The following TPD52L1 variants were observed in gnomAD, a reference collection of about 807,000 sequenced individuals.
TPD52L1 encodes the protein TPD52 like 1.
TPD52L1 carries 18 observed loss-of-function variants against 28.7 expected under a neutral mutation model. The ratio of observed to expected loss-of-function variants is 0.63; its 90% confidence interval spans 0.43 to 0.93. TPD52L1 has a LOEUF of 0.93. Ranked by LOEUF, TPD52L1 falls within the 40% of genes least tolerant of loss-of-function variation. TPD52L1 has a pLI of 0.00. For missense variants in TPD52L1, 203 were observed against 254.8 expected, an observed-to-expected ratio of 0.80 and a Z score of 1.39; for synonymous variants, 75 against 88.8, an observed-to-expected ratio of 0.84 and a Z score of 0.88.
chr6:125,221,504 A>G (rs1218250657), intron 2 of TPD52L1, among the ~76,000 whole-genome samples: 3 of 152,202 alleles, frequency 2.0e-5, no homozygotes, highest in South Asian at 2.1e-4. Flanking sequence ...TTTAGGCACA[A>G]TGTCTGTAAC....
chr6:125,244,174 T>C (rs990333676), intron 3 of TPD52L1, among the ~76,000 whole-genome samples: 9 of 152,138 alleles, frequency 5.9e-5, no homozygotes, highest in Non-Finnish European at 1.0e-4. Context: ...TCTTATGGAG[T>C]TGGAATGGCA....
At chr6:125,176,450 T>C (rs1377265104) in intron 1 of TPD52L1, among the ~76,000 whole-genome samples, 2 of 152,192 alleles carry the variant, frequency 1.3e-5, no homozygotes, top group African/African-American at 2.4e-5. Flanking sequence ...GGCCTTTCAA[T>C]GGAGAGTATT....
chr6:125,247,758 T>A (rs1262731933), intron 3 of TPD52L1, among the ~76,000 whole-genome samples: 1 of 152,212 alleles, frequency 6.6e-6, no homozygotes, highest in Non-Finnish European at 1.5e-5. Context: ...CACTATATTA[T>A]CTTCAGATAA....
intron 4 of TPD52L1, among the ~76,000 whole-genome samples, chr6:125,248,985 T>G (rs1797089343): frequency 6.6e-6 from 1 of 152,072 alleles, no homozygotes; most frequent in Admixed American, 6.6e-5. Context: ...ACCTTGCACA[T>G]TTTCATTATT....
intron 5 of TPD52L1, among the ~76,000 whole-genome samples, chr6:125,256,742 A>G (rs1047538446): frequency 6.6e-6 from 1 of 152,262 alleles, no homozygotes; most frequent in Non-Finnish European, 1.5e-5. Context: ...GAGTGTTGTG[A>G]TAGAAACAAT....
intron 1 of TPD52L1, among the ~76,000 whole-genome samples, chr6:125,158,303 C>T (rs1790273813): frequency 6.6e-6 from 1 of 152,078 alleles, no homozygotes; most frequent in Non-Finnish European, 1.5e-5. Context: ...TGAAATAAAG[C>T]AATAAATATC....
chr6:125,196,212 G>A (rs1250050480), intron 1 of TPD52L1, among the ~76,000 whole-genome samples: 9 of 152,138 alleles, frequency 5.9e-5, no homozygotes, highest in Admixed American at 5.2e-4. Flanking sequence ...TAAGCTTTCT[G>A]TAGCTTCCAA....
intron 6 of TPD52L1, among the ~76,000 whole-genome samples, chr6:125,259,324 T>C (rs1317955532): frequency 6.6e-6 from 1 of 152,242 alleles, no homozygotes; most frequent in East Asian, 1.9e-4. Context: ...TCCTGCCATC[T>C]TCTCACACAA....
At chr6:125,217,676 T>C (rs756630223) in intron 1 of TPD52L1, among the ~76,000 whole-genome samples, 6 of 152,038 alleles carry the variant, frequency 3.9e-5, no homozygotes, top group South Asian at 2.1e-4. Context: ...GGCGCGGGAG[T>C]TGGGGACCTC....
intron 2 of TPD52L1, among the ~76,000 whole-genome samples, chr6:125,221,439 C>T (rs1795223034): frequency 6.6e-6 from 1 of 152,148 alleles, no homozygotes; most frequent in Admixed American, 6.5e-5. Context: ...GTGGGGTAAG[C>T]CAACTGAGTC....
intron 1 of TPD52L1, among the ~76,000 whole-genome samples, chr6:125,172,100 CT>C (rs1491445867): frequency 3.8e-5 from 2 of 52,486 alleles, no homozygotes; most frequent in Admixed American, 4.5e-4. Flanking sequence ...CTTTCTTTCC[CT>C]TTCTTTCTTT....
rs1393943369 is a variant in TPD52L1 at position 125,173,858 on chromosome 6, T to C, written c.19+19888T>C. 3.3e-5 allele frequency among the ~76,000 whole-genome samples: 5 copies of C among 152,286 alleles called. No individual in the cohort carries two copies. The East Asian group carries it at 9.7e-4, about 29-fold the overall frequency. On this transcript the variant is annotated intron_variant, in intron 1 of 6. Transcript: ENST00000534000. ...ATACTCACATAAGTAATTTCTCCAA[T>C]CTGAGATGACTGTGGTCATACAGAA... is the stretch of plus-strand genomic sequence containing the variant.
intron 3 of TPD52L1, among the ~76,000 whole-genome samples, chr6:125,242,723 G>T (rs780666832): frequency 1.3e-5 from 2 of 152,096 alleles, no homozygotes; most frequent in Non-Finnish European, 2.9e-5. Flanking sequence ...CAGATACTTG[G>T]TTGGTGGTTT....
intron 5 of TPD52L1, among the ~76,000 whole-genome samples, chr6:125,255,487 AATGTGATGCC>A (rs1053714704): frequency 4.5e-4 from 68 of 152,302 alleles, no homozygotes; most frequent in African/African-American, 1.5e-3. Flanking sequence ...TCGTACACAA[AATGTGATGCC>A]ATGTCAGGGC....
chr6:125,185,356 C>G (rs1419584454), intron 1 of TPD52L1, among the ~76,000 whole-genome samples: 3 of 152,060 alleles, frequency 2.0e-5, no homozygotes, highest in Non-Finnish European at 4.4e-5. Context: ...TTTCTAGTGC[C>G]ATGAAACATT....
intron 1 of TPD52L1, among the ~76,000 whole-genome samples, chr6:125,180,596 TCA>T (rs1460854484): frequency 7.1e-6 from 1 of 140,942 alleles, no homozygotes; most frequent in Non-Finnish European, 1.6e-5. Flanking sequence ...ACACACACAC[TCA>T]CACACACACA....
chr6:125,232,523 G>A (rs545257724), intron 3 of TPD52L1, among the ~76,000 whole-genome samples: 71 of 152,238 alleles, frequency 4.7e-4, no homozygotes, highest in Non-Finnish European at 9.1e-4. Context: ...GGTTAGGTTA[G>A]GTAGAATTAG....
chr6:125,212,863 G>A (rs534038954), intron 1 of TPD52L1, among the ~76,000 whole-genome samples: 16 of 152,298 alleles, frequency 1.1e-4, no homozygotes, highest in African/African-American at 3.9e-4. Context: ...TGTAGGTATA[G>A]TGAAAACAGG....
intron 1 of TPD52L1, among the ~76,000 whole-genome samples, chr6:125,214,119 G>T (rs1161664643): frequency 6.6e-6 from 1 of 152,178 alleles, no homozygotes; most frequent in Non-Finnish European, 1.5e-5. Flanking sequence ...GCCTGGCAGG[G>T]AGGGAGACAG....
Sources: allele counts gnomAD v4.1 joint callset (sites outside exome capture counted in the v4.1 genomes callset), GRCh38; gene constraint gnomAD v4.1.1; transcripts MANE v1.5; gene names NCBI Gene and HGNC (gene_info 2026-07-23, HGNC 2026-07-21).